FAM171A2: variants seen among roughly 807,000 people sequenced by gnomAD.
FAM171A2 encodes the protein protein FAM171A2.
FAM171A2 carries 13 observed loss-of-function variants against 34.2 expected under a neutral mutation model. The observed-to-expected ratio is 0.38, with a 90% CI of 0.25 to 0.60. The LOEUF (loss-of-function observed/expected upper bound fraction) is 0.60, where lower values mean the gene tolerates loss of function less well. FAM171A2 is among the 20% of genes least tolerant of loss of function. The pLI, the probability that FAM171A2 is intolerant of heterozygous loss-of-function variation, is 0.62. For missense variants in FAM171A2, 950 were observed against 1,180.7 expected (o/e 0.80, Z 2.86); for synonymous variants, 475 against 561.2 (o/e 0.85, Z 2.17).
Position 44,353,555 on chromosome 17 carries a change from G to T in FAM171A2, c.*178C>A. The T allele has an allele frequency of 2.6e-6, 1 of 379,612 alleles. No homozygotes were observed. Among genetic ancestry groups the T allele is most frequent in the Non-Finnish European group, 4.2e-6 (1 of 238,926 alleles). The allele number at this position is 379,612 out of a possible 1,614,324, so 23.5% of individuals were successfully genotyped here. A position where few individuals can be genotyped will look rare whatever the true frequency, so the allele number is the denominator to read the frequency against. On this transcript the variant is annotated 3_prime_UTR_variant, in exon 8 of 8. Coordinates refer to ENST00000293443, the MANE Select transcript of FAM171A2 (RefSeq NM_198475.3). ...CCCCCTCCTCCCCGGCTTGGAGGCA[G>T]ACACAGGGTCCCTTGCAAGACACGA...
rs1162927136 is a variant in FAM171A2 at position 44,355,804 on chromosome 17, G to A, written c.933C>T (p.Gly311=). 3 of 1,551,656 alleles carry A rather than the reference G, an allele frequency of 1.9e-6. No homozygotes were observed. Among genetic ancestry groups the A allele is most frequent in the Non-Finnish European group, 1.7e-6 (2 of 1,147,038 alleles). Reference sequence around the variant, plus strand: ...TGAGCAAGAAGATGGTGTGGTAGGTGCCGATGTCCTGGATGCCCGACGTGA... The same window carrying A: ...TGAGCAAGAAGATGGTGTGGTAGGTACCGATGTCCTGGATGCCCGACGTGA... ...VTITSGIQDI[G]TYHTIFLLTI... Residue 311 remains glycine, a synonymous_variant, in exon 7 of 8, where the codon GGC becomes GGT. Coordinates refer to ENST00000293443, the MANE Select transcript of FAM171A2 (RefSeq NM_198475.3). The surrounding 1 kb of genome is among the most constrained non-coding windows in gnomAD (Gnocchi z 4.1).
In FAM171A2 at chr17:44,354,077, CA is replaced by C; in HGVS notation, c.2136del (p.Ala713ProfsTer37). 1 of 1,104,154 alleles carries C rather than the reference CA, an allele frequency of 9.1e-7. No individual in the cohort carries two copies. The highest frequency in any genetic ancestry group is 1.1e-6 in the Non-Finnish European group (1 of 906,748). 68.4% of individuals were successfully genotyped at this position (1,104,154 alleles called of 1,614,324 possible). A position where few individuals can be genotyped will look rare whatever the true frequency, so the allele number is the denominator to read the frequency against. ...PAREERERAP[P>X]AAPPPPPAPP... Reference sequence around the variant, plus strand: ...GGCGCGGGCGGCGGCGGCGGCGCGGCAGGCGGGGCGCGCTCCCGCTCCTCCC... The same window carrying C: ...GGCGCGGGCGGCGGCGGCGGCGCGGCGGCGGGGCGCGCTCCCGCTCCTCCC... On this transcript the variant is annotated frameshift_variant, in exon 8 of 8. Transcript: ENST00000293443. LOFTEE classifies it low-confidence loss of function (END_TRUNC). This position sits in a 1 kb window ranked among gnomAD's most constrained non-coding sequence, Gnocchi z 5.8.
intron 3 of FAM171A2, among the ~76,000 whole-genome samples, chr17:44,358,413 C>A (rs768038077): frequency 2.0e-5 from 3 of 152,148 alleles, no homozygotes; most frequent in Non-Finnish European, 4.4e-5. Flanking sequence ...CTTGGTGAGG[C>A]CGGGTGAAGT....
rs1598367412 is a variant in FAM171A2 at position 44,353,951 on chromosome 17, C to T, written c.2263G>A (p.Glu755Lys). 1 of 1,294,170 alleles carries T rather than the reference C, an allele frequency of 7.7e-7. No individual in the cohort carries two copies. Among genetic ancestry groups the T allele is most frequent in the East Asian group, 3.3e-5 (1 of 30,158 alleles). The allele number at this position is 1,294,170 out of a possible 1,614,324, so 80.2% of individuals were successfully genotyped here. A position where few individuals can be genotyped will look rare whatever the true frequency, so the allele number is the denominator to read the frequency against. ...GCCCGGCCCTCGGGCGCCGCCACCT[C>T]GTCCAGCAGCGGCGTCAGCGAGTTG... ...EDNSLTPLLD[E>K]VAAPEGRAAT... Residue 755 changes from glutamate to lysine, a missense_variant, in exon 8 of 8, where the codon GAG becomes AAG. Around this residue, in one of 3 missense-constraint regions of FAM171A2, gnomAD observed 191 missense variants for 222.8 expected, o/e 0.86. Transcript: ENST00000293443.
Position 44,354,449 on chromosome 17 carries a change from G to A in FAM171A2, c.1765C>T (p.His589Tyr). The A allele has an allele frequency of 1.8e-6, 2 of 1,098,912 alleles. No individual in the cohort carries two copies. The highest frequency in any genetic ancestry group is 2.2e-6 in the Non-Finnish European group (2 of 900,140). 68.1% of individuals were successfully genotyped at this position (1,098,912 alleles called of 1,614,324 possible). A position where few individuals can be genotyped will look rare whatever the true frequency, so the allele number is the denominator to read the frequency against. Reference sequence around the variant, plus strand: ...CCGCCCTCGCCCCCCGGGCCCGAGTGGCCCGGCATCTGCGGGCGCTGGGGG... The same window carrying A: ...CCGCCCTCGCCCCCCGGGCCCGAGTAGCCCGGCATCTGCGGGCGCTGGGGG... ...PDPQRPQMPGHSGPGGEGGGG... is the reference protein window; with the variant it reads ...PDPQRPQMPGYSGPGGEGGGG... The change falls in exon 8 of 8, where the codon CAC (histidine) becomes TAC (tyrosine). Residue 589 changes from histidine to tyrosine, a missense_variant. His to Tyr is a moderately conservative substitution (Grantham distance 83). Around this residue, in one of 3 missense-constraint regions of FAM171A2, gnomAD observed 752 missense variants for 924.5 expected, o/e 0.81. Transcript: ENST00000293443. The surrounding 1 kb of genome is among the most constrained non-coding windows in gnomAD (Gnocchi z 5.8).
At position 44,354,525 on chromosome 17, in the gene FAM171A2, G is replaced by A; in HGVS notation, c.1689C>T (p.Ala563=). 1 of 1,157,864 alleles carries A rather than the reference G, an allele frequency of 8.6e-7. No homozygotes were observed. Among genetic ancestry groups the A allele is most frequent in the Non-Finnish European group, 1.1e-6 (1 of 940,154 alleles). The allele number at this position is 1,157,864 out of a possible 1,614,324, so 71.7% of individuals were successfully genotyped here. ...AGAAGVGDEP[A]PPEGTAPGPA... ...GGCCGGGTGCCGTGCCCTCCGGCGG[G>A]GCCGGCTCGTCGCCCACGCCGGCGG... Residue 563 remains alanine (A), a synonymous_variant, in exon 8 of 8, where the codon GCC becomes GCT. Transcript: ENST00000293443. This position sits in a 1 kb window ranked among gnomAD's most constrained non-coding sequence, Gnocchi z 5.8.
rs143806160 is a variant in FAM171A2, at chr17:44,360,772, A to G, written c.119-640T>C. Among the ~76,000 whole-genome samples the G allele has an allele frequency of 1.9e-3, 291 of 152,250 alleles. 1 individual carries two copies. Among genetic ancestry groups the G allele is most frequent in the African/African-American group, 6.7e-3 (277 of 41,536 alleles). ...GGGCAGAGTTTGGGGTCTTGGGAAAAAATTGACAGGGGACACTAGGAAACT... is the reference window on the plus strand; with the variant it reads ...GGGCAGAGTTTGGGGTCTTGGGAAAGAATTGACAGGGGACACTAGGAAACT... On this transcript the variant is annotated intron_variant, in intron 1 of 7. Transcript: ENST00000293443.
chr17:44,358,671 G>A (rs760151329), intron 3 of FAM171A2, among the ~76,000 whole-genome samples: 1 of 151,868 alleles, frequency 6.6e-6, no homozygotes, highest in African/African-American at 2.4e-5. Context: ...GGGCAACAGA[G>A]CAATACTCCA....
In FAM171A2 at chr17:44,363,799, C is replaced by T. The variant is rs1281924759; in HGVS notation, c.-85G>A. 6 of 555,560 alleles carry T rather than the reference C, an allele frequency of 1.1e-5. No homozygotes were observed. The highest frequency in any genetic ancestry group is 8.0e-5 in the African/African-American group (4 of 49,966). 34.4% of individuals were successfully genotyped at this position (555,560 alleles called of 1,614,324 possible). On this transcript the variant is annotated 5_prime_UTR_variant, in exon 1 of 8. Transcript: ENST00000293443. ...CCCGCGCAGCCCCAGCTCTGCGCCGCGCCTCGCAGCTCCGGCTCCCGCTCC... is the reference window on the plus strand; with the variant it reads ...CCCGCGCAGCCCCAGCTCTGCGCCGTGCCTCGCAGCTCCGGCTCCCGCTCC...
chr17:44,353,883 G>A lies in FAM171A2; in HGVS notation c.2331C>T (p.Ser777=), dbSNP rs2048404509. 1.5e-6 allele frequency: 2 copies of A among 1,336,226 alleles called. No homozygotes were observed. The highest frequency in any genetic ancestry group is 9.6e-7 in the Non-Finnish European group (1 of 1,045,614). The allele number at this position is 1,336,226 out of a possible 1,614,324, so 82.8% of individuals were successfully genotyped here. A position where few individuals can be genotyped will look rare whatever the true frequency, so the allele number is the denominator to read the frequency against. The change falls in exon 8 of 8, where the codon AGC becomes AGT. Residue 777 remains serine, a synonymous_variant. Coordinates refer to ENST00000293443, the MANE Select transcript of FAM171A2 (RefSeq NM_198475.3). The part of the protein sequence containing the change: ...PRGRGRSRGD[S]SRSSASELRR... ...GCAGCTCGCTGGCGCTGCTGCGGGA[G>A]CTGTCCCCGCGGCTGCGGCCCCGCC...
At chr17:44,362,497 C>T (rs573255635) in intron 1 of FAM171A2, among the ~76,000 whole-genome samples, 1 of 152,312 alleles carries the variant, frequency 6.6e-6, no homozygotes, top group South Asian at 2.1e-4. Flanking sequence ...CCTGCCAGCT[C>T]CTTAGTGTGG....
chr17:44,356,155 GC>G lies in FAM171A2; in HGVS notation c.778+17del, dbSNP rs1567891218. ...TCTTCTCTCAACTCAAGCACCTGCA[GC>G]CCCCTGAGGCACTTACCACTCTTGG... On this transcript the variant is annotated intron_variant, in intron 5 of 7. Coordinates refer to ENST00000293443, the MANE Select transcript of FAM171A2 (RefSeq NM_198475.3). 6.5e-6 allele frequency: 10 copies of G among 1,532,290 alleles called. No homozygotes were observed. The Admixed American group carries it at 1.6e-4, about 25-fold the overall frequency. 94.9% of individuals were successfully genotyped at this position (1,532,290 alleles called of 1,614,324 possible). A position where few individuals can be genotyped will look rare whatever the true frequency, so the allele number is the denominator to read the frequency against.
rs766261027 is a variant in FAM171A2, at chr17:44,355,026, G to A, written c.1188C>T (p.Gly396=). Residue 396 remains glycine, a synonymous_variant, in exon 8 of 8, where the codon GGC becomes GGT. Transcript: ENST00000293443. The surrounding 1 kb of genome is among the most constrained non-coding windows in gnomAD (Gnocchi z 4.1). ...AGCTGGAGAAGGCCGAGTGGAGGGG[G>A]CCTGGAGGCGGAGCCTCGGGGTCCC... ...PSGDPEAPPP[G]PLHSAFSSSR... 50 of 1,531,072 alleles carry A rather than the reference G, an allele frequency of 3.3e-5. 1 individual carries two copies. Among genetic ancestry groups the A allele is most frequent in the Middle Eastern group, 3.6e-4 (2 of 5,546 alleles). The allele number at this position is 1,531,072 out of a possible 1,614,324, so 94.8% of individuals were successfully genotyped here.
intron 1 of FAM171A2, 118 bp downstream of exon 1, chr17:44,363,479 G>A (rs2048456732): frequency 2.6e-6 from 1 of 384,026 alleles, no homozygotes; most frequent in Non-Finnish European, 4.2e-6. Context: ...CCCCCCACCC[G>A]AATCCAGGGA....
rs925251847 is a variant in FAM171A2 at position 44,356,122 on chromosome 17, T to G, written c.779-48A>C. On this transcript the variant is annotated intron_variant, in intron 5 of 7. Coordinates refer to ENST00000293443, the MANE Select transcript of FAM171A2 (RefSeq NM_198475.3). Reference sequence around the variant, plus strand: ...CACACTTGAGTCGCTCCCACTCAAGTCCCACTTTCTTCTCTCAACTCAAGC... The same window carrying G: ...CACACTTGAGTCGCTCCCACTCAAGGCCCACTTTCTTCTCTCAACTCAAGC... 3.3e-6 allele frequency: 5 copies of G among 1,522,408 alleles called. No homozygotes were observed. In the African/African-American group the frequency reaches 5.5e-5, roughly 17 times the overall value. The allele number at this position is 1,522,408 out of a possible 1,614,324, so 94.3% of individuals were successfully genotyped here. A position where few individuals can be genotyped will look rare whatever the true frequency, so the allele number is the denominator to read the frequency against.
rs1235788452 is a variant in FAM171A2 at position 44,353,674 on chromosome 17, G to C, written c.*59C>G. 13 of 1,200,192 alleles carry C rather than the reference G, an allele frequency of 1.1e-5. No individual in the cohort carries two copies. Among genetic ancestry groups the C allele is most frequent in the South Asian group, 3.6e-5 (1 of 27,866 alleles). 74.3% of individuals were successfully genotyped at this position (1,200,192 alleles called of 1,614,324 possible). A position where few individuals can be genotyped will look rare whatever the true frequency, so the allele number is the denominator to read the frequency against. On this transcript the variant is annotated 3_prime_UTR_variant, in exon 8 of 8. Coordinates refer to ENST00000293443, the MANE Select transcript of FAM171A2 (RefSeq NM_198475.3). ...CGCGAGGGCCCCCGCGGGCCCCCGG[G>C]GCGCGCACCCTGGGTGCGGGCCCGC...
Position 44,354,098 on chromosome 17 carries a change from C to A in FAM171A2, c.2116G>T (p.Glu706Ter). Residue 706 changes from glutamate to a stop codon, truncating the protein, a stop_gained, in exon 8 of 8, where the codon GAG becomes TAG. Transcript: ENST00000293443. LOFTEE classifies it low-confidence loss of function (END_TRUNC). The surrounding 1 kb of genome is among the most constrained non-coding windows in gnomAD (Gnocchi z 5.8). ...RPARRRPAREERERAPPAAPP... is the reference protein window; with the variant it reads ...RPARRRPARE ...GCGGCAGGCGGGGCGCGCTCCCGCT[C>A]CTCCCTCGCGGGCCGGCGGCGCGCG... The A allele has an allele frequency of 8.9e-7, 1 of 1,119,746 alleles. No individual in the cohort carries two copies. Among genetic ancestry groups the A allele is most frequent in the Non-Finnish European group, 1.1e-6 (1 of 916,040 alleles). The allele number at this position is 1,119,746 out of a possible 1,614,324, so 69.4% of individuals were successfully genotyped here. A position where few individuals can be genotyped will look rare whatever the true frequency, so the allele number is the denominator to read the frequency against.
intron 1 of FAM171A2, 145 bp downstream of exon 1, chr17:44,363,451 AC>A (rs2048456178): frequency 7.6e-6 from 3 of 395,454 alleles, no homozygotes; most frequent in Middle Eastern, 9.4e-4. Flanking sequence ...AGAAGCGCCA[AC>A]CCCAGATCGC....
Position 44,356,587 on chromosome 17 carries a change from A to C in FAM171A2, c.441T>G (p.Gly147=). 6.5e-7 allele frequency: 1 copy of C among 1,539,790 alleles called. No individual in the cohort carries two copies. Among genetic ancestry groups the C allele is most frequent in the Non-Finnish European group, 8.8e-7 (1 of 1,141,142 alleles). Residue 147 remains glycine (G), a splice_region_variant and synonymous_variant, in exon 4 of 8, where the codon GGT becomes GGG. Coordinates refer to ENST00000293443, the MANE Select transcript of FAM171A2 (RefSeq NM_198475.3). The part of the protein sequence containing the change: ...DLVHILLGSP[G]ARSQPLVQFQ... ...ACTGCACCAAGGGCTGGGAGCGGGC[A>C]CCTGGAGGGAAAGAGGGGCTGCAGT...
Sources: allele counts gnomAD v4.1 joint callset (sites outside exome capture counted in the v4.1 genomes callset), GRCh38; gene constraint gnomAD v4.1.1; regional missense constraint gnomAD v4.1.1; non-coding constraint Gnocchi (gnomAD v3.1); transcripts MANE v1.5; gene names NCBI Gene and HGNC (gene_info 2026-07-23, HGNC 2026-07-21).